GEMIN2: variants seen among roughly 807,000 people sequenced by gnomAD.
The protein encoded by GEMIN2 is gem nuclear organelle associated protein 2.
GEMIN2 carries 37 observed loss-of-function variants against 45.8 expected under a neutral mutation model. That is an observed-to-expected ratio of 0.81 (90% confidence interval 0.62 to 1.06). GEMIN2 has a LOEUF of 1.06. GEMIN2 is among the 50% of genes least tolerant of loss of function. The probability of loss-of-function intolerance (pLI) is 0.00; values close to 1 mark genes in which losing one functional copy is unlikely to be tolerated. For synonymous variants in GEMIN2, 101 were observed against 111.5 expected, an observed-to-expected ratio of 0.91 and a Z score of 0.60; for missense variants, 335 against 321.8, an observed-to-expected ratio of 1.04 and a Z score of -0.31.
At chr14:39,124,634 G>A (rs903241928) in intron 5 of GEMIN2, among the ~76,000 whole-genome samples, 76 of 151,982 alleles carry the variant, frequency 5.0e-4, no homozygotes, top group African/African-American at 1.7e-3. Context: ...TTAGCTGGGC[G>A]TGTTGACATG....
chr14:39,128,342 A>G lies in GEMIN2; in HGVS notation c.594A>G (p.Pro198=). The part of the protein sequence containing the change: ...SNWFGERDFT[P]ELGRWLYALL... The stretch of plus-strand genomic sequence containing the variant: ...GGTTTGGAGAAAGAGACTTTACTCC[A>G]GAATTGGTAGTATTGCATGTTTTTC... Residue 198 remains proline, a synonymous_variant, in exon 7 of 10, where the codon CCA becomes CCG. Transcript: ENST00000308317. The G allele has an allele frequency of 1.3e-6, 2 of 1,547,566 alleles. No individual in the cohort carries two copies. Among genetic ancestry groups the G allele is most frequent in the Non-Finnish European group, 1.8e-6 (2 of 1,124,858 alleles).
chr14:39,128,486 T>A, intron 7 of GEMIN2, 138 bp downstream of exon 7: 6 of 35,044 alleles, frequency 1.7e-4, no homozygotes, highest in African/African-American at 3.9e-4. Context: ...TTTTCTTTTC[T>A]TTTTTTTTTT....
intron 8 of GEMIN2, among the ~76,000 whole-genome samples, chr14:39,133,022 GTGTGTA>G (rs1450485812): frequency 7.7e-6 from 1 of 130,230 alleles, no homozygotes; most frequent in East Asian, 2.0e-4. Flanking sequence ...GTGTGTGTGT[GTGTGTA>G]TATATATATA....
intron 9 of GEMIN2, 143 bp from the exon 10 acceptor site, chr14:39,136,297 A>G (rs1285148114): frequency 1.0e-5 from 6 of 587,206 alleles, no homozygotes; most frequent in Non-Finnish European, 1.8e-5. Context: ...TGGCTTCATA[A>G]TTTTCCACTA....
In GEMIN2 at chr14:39,128,352, G is replaced by A. The variant is rs758941977; in HGVS notation, c.600+4G>A. ...AAGAGACTTTACTCCAGAATTGGTAGTATTGCATGTTTTTCTTTTCATAAT... is the reference window on the plus strand; with the variant it reads ...AAGAGACTTTACTCCAGAATTGGTAATATTGCATGTTTTTCTTTTCATAAT... On this transcript the variant is annotated splice_donor_region_variant and intron_variant, in intron 7 of 9. Transcript: ENST00000308317. 3.3e-6 allele frequency: 5 copies of A among 1,514,156 alleles called. No individual in the cohort carries two copies. The South Asian group carries it at 4.6e-5, about 14-fold the overall frequency. The allele number at this position is 1,514,156 out of a possible 1,614,324, so 93.8% of individuals were successfully genotyped here.
chr14:39,131,877 C>G (rs563120985), intron 7 of GEMIN2, 81 bp from the exon 8 acceptor site: 1 of 710,812 alleles, frequency 1.4e-6, no homozygotes, highest in South Asian at 1.6e-5. Flanking sequence ...AGCAGATAAT[C>G]AGGCATAACA....
chr14:39,126,153 T>A (rs540872750), intron 6 of GEMIN2, among the ~76,000 whole-genome samples: 1 of 152,016 alleles, frequency 6.6e-6, no homozygotes, highest in Non-Finnish European at 1.5e-5. Context: ...TTTAATTTTA[T>A]CTTCACATAG....
intron 6 of GEMIN2, among the ~76,000 whole-genome samples, chr14:39,127,282 G>T (rs1320212220): frequency 5.4e-5 from 8 of 147,458 alleles, no homozygotes; most frequent in Non-Finnish European, 8.9e-5. Context: ...TAGAGACGGG[G>T]TTTTGCCGTG....
chr14:39,127,671 C>G (rs191392591), intron 6 of GEMIN2, among the ~76,000 whole-genome samples: 79 of 152,152 alleles, frequency 5.2e-4, no homozygotes, highest in Admixed American at 1.6e-3. Flanking sequence ...CTTGTGAAGT[C>G]TTTCAAGTAG....
intron 5 of GEMIN2, 123 bp from the exon 6 acceptor site, chr14:39,124,869 G>C (rs1176267789): frequency 1.6e-6 from 1 of 633,928 alleles, no homozygotes; most frequent in Non-Finnish European, 2.8e-6. Context: ...GACAATGAAA[G>C]AATTTTCTTT....
intron 7 of GEMIN2, among the ~76,000 whole-genome samples, chr14:39,129,658 C>T (rs1482993319): frequency 2.0e-5 from 3 of 152,182 alleles, no homozygotes; most frequent in Non-Finnish European, 4.4e-5. Context: ...GGTGATCTGC[C>T]CGCCTCCACC....
At chr14:39,124,098 G>T (rs2052611426) in intron 5 of GEMIN2, among the ~76,000 whole-genome samples, 1 of 151,800 alleles carries the variant, frequency 6.6e-6, no homozygotes, top group African/African-American at 2.4e-5. Context: ...TATTTTCAGA[G>T]AATACATACA....
intron 2 of GEMIN2, among the ~76,000 whole-genome samples, chr14:39,117,577 T>C (rs989262670): frequency 6.6e-6 from 1 of 152,216 alleles, no homozygotes; most frequent in Non-Finnish European, 1.5e-5. Context: ...TTGTTAACTG[T>C]AGTCACTCTA....
intron 4 of GEMIN2, among the ~76,000 whole-genome samples, chr14:39,120,061 CTA>C (rs2052556354): frequency 6.6e-6 from 1 of 151,852 alleles, no homozygotes; most frequent in African/African-American, 2.4e-5. Context: ...TGCCCACTAA[CTA>C]AAAAAGAAGC....
chr14:39,136,700 AAC>A lies in GEMIN2; in HGVS notation c.*223_*224del, dbSNP rs1287063411. On this transcript the variant is annotated 3_prime_UTR_variant, in exon 10 of 10. Coordinates refer to ENST00000308317, the MANE Select transcript of GEMIN2 (RefSeq NM_003616.3). Reference sequence around the variant, plus strand: ...CACTCAGTTTTTGATGAACAGTTTGAACAGTTTTCTGTAATCAAGCAGCTTGC... The same window carrying A: ...CACTCAGTTTTTGATGAACAGTTTGAAGTTTTCTGTAATCAAGCAGCTTGC... 2.2e-6 allele frequency: 1 copy of A among 456,420 alleles called. No individual in the cohort carries two copies. The highest frequency in any genetic ancestry group is 3.5e-5 in the East Asian group (1 of 28,944). 28.3% of individuals were successfully genotyped at this position (456,420 alleles called of 1,614,324 possible).
intron 9 of GEMIN2, among the ~76,000 whole-genome samples, chr14:39,134,891 G>T (rs1030507525): frequency 1.1e-4 from 17 of 152,224 alleles, no homozygotes; most frequent in Admixed American, 6.5e-5. Flanking sequence ...GGTAGTAGCA[G>T]TTAAATGAGA....
At chr14:39,124,477 T>G (rs1327515241) in intron 5 of GEMIN2, among the ~76,000 whole-genome samples, 1 of 152,144 alleles carries the variant, frequency 6.6e-6, no homozygotes, top group Non-Finnish European at 1.5e-5. Context: ...TATTTAAAAA[T>G]TTACAAATTC....
chr14:39,118,615 A>C lies in GEMIN2; in HGVS notation c.372+16A>C. 8.3e-7 allele frequency: 1 copy of C among 1,211,328 alleles called. No individual in the cohort carries two copies. The highest frequency in any genetic ancestry group is 1.2e-6 in the Non-Finnish European group (1 of 813,156). 75.0% of individuals were successfully genotyped at this position (1,211,328 alleles called of 1,614,324 possible). On this transcript the variant is annotated intron_variant, in intron 4 of 9. Transcript: ENST00000308317. ...TGTGACAATGGTATGTAAGTTTCTC[A>C]GTTTTAAGATGTACAATGTATACCT...
intron 8 of GEMIN2, among the ~76,000 whole-genome samples, chr14:39,132,710 G>A (rs1463033380): frequency 8.9e-6 from 1 of 112,446 alleles, no homozygotes; most frequent in Admixed American, 1.3e-4. Context: ...ATGGAGTCTC[G>A]CTCTGTCACC....
Sources: allele counts gnomAD v4.1 joint callset (sites outside exome capture counted in the v4.1 genomes callset), GRCh38; gene constraint gnomAD v4.1.1; transcripts MANE v1.5; gene names NCBI Gene and HGNC (gene_info 2026-07-23, HGNC 2026-07-21).